CENPP: variants seen among roughly 807,000 people sequenced by gnomAD.
CENPP encodes the protein centromere protein P.
CENPP carries 24 observed loss-of-function variants against 35.6 expected under a neutral mutation model. The observed-to-expected ratio is 0.67, with a 90% CI of 0.49 to 0.95. The LOEUF (loss-of-function observed/expected upper bound fraction) is 0.95. Among genes scored for constraint, CENPP ranks in the 40% least tolerant of loss-of-function variants. The pLI is 0.00. For missense variants in CENPP, 332 were observed against 345.3 expected, an observed-to-expected ratio of 0.96 and a Z score of 0.31; for synonymous variants, 120 against 125.5, an observed-to-expected ratio of 0.96 and a Z score of 0.29.
chr9:92,343,962 C>CAAAAA (rs35920973), intron 3 of CENPP, among the ~76,000 whole-genome samples: 36 of 60,974 alleles, frequency 5.9e-4, no homozygotes, highest in East Asian at 1.7e-3. Context: ...AACCCTGTCT[C>CAAAAA]AAAAAAAAAA....
At chr9:92,535,955 C>T in intron 5 of CENPP, 1 of 503,562 alleles carries the variant, frequency 2.0e-6, no homozygotes, top group Non-Finnish European at 3.9e-6. Context: ...ACTAAGTAGG[C>T]TTTGCTTGGT....
At chr9:92,374,082 G>A (rs1391982075) in intron 4 of CENPP, among the ~76,000 whole-genome samples, 1 of 139,124 alleles carries the variant, frequency 7.2e-6, no homozygotes, top group Non-Finnish European at 1.5e-5. Flanking sequence ...CCAGTTGCTG[G>A]ATTGCTACTG....
intron 5 of CENPP, among the ~76,000 whole-genome samples, chr9:92,391,811 G>C (rs1359687251): frequency 6.6e-6 from 1 of 152,160 alleles, no homozygotes; most frequent in Non-Finnish European, 1.5e-5. Flanking sequence ...CTCTGAGCAT[G>C]TCTGAGAAAG....
At chr9:92,417,965 G>A (rs927357734) in intron 5 of CENPP, among the ~76,000 whole-genome samples, 6 of 151,816 alleles carry the variant, frequency 4.0e-5, no homozygotes, top group African/African-American at 1.5e-4. Context: ...TGACCTCAAG[G>A]GATCCTCTGG....
chr9:92,431,600 A>G (rs574909350), intron 5 of CENPP, among the ~76,000 whole-genome samples: 1 of 152,086 alleles, frequency 6.6e-6, no homozygotes, highest in South Asian at 2.1e-4. Flanking sequence ...TCCAAGACAG[A>G]GTCTAGCTCT....
At chr9:92,592,653 T>C (rs557298747) in intron 5 of CENPP, among the ~76,000 whole-genome samples, 2 of 152,322 alleles carry the variant, frequency 1.3e-5, no homozygotes, top group South Asian at 2.1e-4. Context: ...AATCATGTCA[T>C]ATACATATGC....
chr9:92,387,002 C>T (rs1003347292), intron 5 of CENPP, among the ~76,000 whole-genome samples: 31 of 145,584 alleles, frequency 2.1e-4, no homozygotes, highest in African/African-American at 7.7e-4. Flanking sequence ...GAGCTGAGAT[C>T]GCACCACTGT....
intron 5 of CENPP, among the ~76,000 whole-genome samples, chr9:92,498,451 A>C (rs1165926560): frequency 6.6e-6 from 1 of 151,930 alleles, no homozygotes; most frequent in Non-Finnish European, 1.5e-5. Flanking sequence ...AGTAAAAAGA[A>C]AATATATATA....
intron 5 of CENPP, among the ~76,000 whole-genome samples, chr9:92,442,674 G>A (rs553688905): frequency 2.6e-5 from 4 of 151,628 alleles, no homozygotes; most frequent in South Asian, 4.2e-4. Flanking sequence ...ATGAAACCCC[G>A]TCTCTACTAA....
chr9:92,503,673 A>G (rs1846821440), intron 5 of CENPP, among the ~76,000 whole-genome samples: 1 of 152,240 alleles, frequency 6.6e-6, no homozygotes, highest in Non-Finnish European at 1.5e-5. Context: ...TAAAACTGGC[A>G]TATATCTTTA....
At chr9:92,589,295 G>A (rs1850614765) in intron 5 of CENPP, among the ~76,000 whole-genome samples, 1 of 151,606 alleles carries the variant, frequency 6.6e-6, no homozygotes, top group South Asian at 2.1e-4. Flanking sequence ...GCAGTGAGCC[G>A]AGATTGTGCC....
intron 5 of CENPP, among the ~76,000 whole-genome samples, chr9:92,557,836 G>T (rs2131337628): frequency 6.6e-6 from 1 of 152,128 alleles, no homozygotes; most frequent in South Asian, 2.1e-4. Flanking sequence ...GTAGAGACGG[G>T]ATTTCAACAT....
intron 5 of CENPP, among the ~76,000 whole-genome samples, chr9:92,407,066 G>A (rs1430416075): frequency 6.6e-6 from 1 of 152,200 alleles, no homozygotes; most frequent in East Asian, 1.9e-4. Flanking sequence ...GCAGTGTCTA[G>A]AAGGCTCCAG....
chr9:92,618,970 G>A lies in CENPP; in HGVS notation c.*5821G>A, dbSNP rs970180620. The A allele has an allele frequency of 1.8e-5, 5 of 276,458 alleles. No homozygotes were observed. Among genetic ancestry groups the A allele is most frequent in the Admixed American group, 4.9e-5 (1 of 20,384 alleles). The allele number at this position is 276,458 out of a possible 1,614,324, so 17.1% of individuals were successfully genotyped here. On this transcript the variant is annotated 3_prime_UTR_variant, in exon 8 of 8. Coordinates refer to ENST00000375587, the MANE Select transcript of CENPP (RefSeq NM_001012267.3). ...TTCATCCCGAATTCCCAGAAACAGA[G>A]GGGACTGGACAAAACTAGTGACATT...
intron 6 of CENPP, among the ~76,000 whole-genome samples, chr9:92,612,066 C>T (rs1240443898): frequency 7.2e-5 from 11 of 152,238 alleles, no homozygotes; most frequent in African/African-American, 2.2e-4. Context: ...CGTCTTGCTG[C>T]GCTCTTCAGC....
chr9:92,522,873 T>C (rs1848165075), intron 5 of CENPP: 2 of 1,584,546 alleles, frequency 1.3e-6, no homozygotes, highest in Non-Finnish European at 1.7e-6. Context: ...TCATGTTTGA[T>C]TTTTTTCCAC....
At chr9:92,604,785 G>C (rs2131391282) in intron 5 of CENPP, among the ~76,000 whole-genome samples, 1 of 152,128 alleles carries the variant, frequency 6.6e-6, no homozygotes, top group Non-Finnish European at 1.5e-5. Flanking sequence ...AGTAGAGACG[G>C]GTTTTACTAT....
intron 5 of CENPP, among the ~76,000 whole-genome samples, chr9:92,494,388 C>T (rs1846258679): frequency 6.6e-6 from 1 of 152,138 alleles, no homozygotes; most frequent in South Asian, 2.1e-4. Context: ...TTGTTTTTAC[C>T]TGTCTCTTAA....
chr9:92,611,536 C>A, intron 6 of CENPP, 143 bp downstream of exon 6: 2 of 657,196 alleles, frequency 3.0e-6, no homozygotes, highest in East Asian at 2.7e-5. Context: ...GTGGTCCCAG[C>A]AGATATGCCC....
Sources: gnomAD v4.1 joint callset for allele counts (sites outside exome capture counted in the v4.1 genomes callset) on GRCh38, gnomAD v4.1.1 for gene constraint, MANE v1.5 for transcripts, NCBI Gene and HGNC (gene_info 2026-07-23, HGNC 2026-07-21) for gene names.